RABGAP1L: variants seen among roughly 807,000 people sequenced by gnomAD.
RABGAP1L encodes the protein rab GTPase-activating protein 1-like.
RABGAP1L carries 63 observed loss-of-function variants against 137.7 expected under a neutral mutation model. That is an observed-to-expected ratio of 0.46 (90% CI 0.37 to 0.56). The LOEUF is 0.56. Ranked by LOEUF, RABGAP1L falls within the 20% of genes least tolerant of loss-of-function variation. RABGAP1L has a pLI of 0.00. For synonymous variants in RABGAP1L, 431 were observed against 433.7 expected (o/e 0.99, Z 0.08); for missense variants, 1,095 against 1,244.0 (o/e 0.88, Z 1.80).
chr1:174,421,833 A>T (rs1278328936), intron 13 of RABGAP1L, among the ~76,000 whole-genome samples: 1 of 152,154 alleles, frequency 6.6e-6, no homozygotes, highest in Non-Finnish European at 1.5e-5. Context: ...CAGTGGCACG[A>T]TCTCGGCTCA....
At chr1:174,780,360 C>T (rs1164089813) in intron 18 of RABGAP1L, among the ~76,000 whole-genome samples, 1 of 152,004 alleles carries the variant, frequency 6.6e-6, no homozygotes, top group African/African-American at 2.4e-5. Flanking sequence ...CAAGATTAGC[C>T]ACACATACCT....
At chr1:174,808,187 C>T (rs1429827109) in intron 18 of RABGAP1L, among the ~76,000 whole-genome samples, 1 of 151,870 alleles carries the variant, frequency 6.6e-6, no homozygotes, top group African/African-American at 2.4e-5. Flanking sequence ...TGGGGTTTCA[C>T]CGTGTTAGCC....
At chr1:174,540,979 G>T (rs7554740) in intron 13 of RABGAP1L, among the ~76,000 whole-genome samples, 59,272 of 152,016 alleles carry the variant, frequency 0.39, 14,574 homozygotes, top group African/African-American at 0.7. Context: ...TTGAGCAGTG[G>T]TTTGTAGTTC....
intron 19 of RABGAP1L, among the ~76,000 whole-genome samples, chr1:174,886,193 G>C (rs572406450): frequency 4.6e-4 from 70 of 151,884 alleles, no homozygotes; most frequent in African/African-American, 1.6e-3. Flanking sequence ...TGAAATTTTA[G>C]TAGAGAGAGG....
chr1:174,809,918 A>C (rs761004121), intron 18 of RABGAP1L, among the ~76,000 whole-genome samples: 1 of 152,206 alleles, frequency 6.6e-6, no homozygotes, highest in Non-Finnish European at 1.5e-5. Context: ...AGTTAAGGTG[A>C]GTTGAGAGCA....
chr1:174,353,706 T>A (rs893732095), intron 11 of RABGAP1L, among the ~76,000 whole-genome samples: 14 of 152,170 alleles, frequency 9.2e-5, no homozygotes, highest in African/African-American at 3.4e-4. Flanking sequence ...AGCAGTGAGT[T>A]CCAATGCAAA....
chr1:174,401,170 C>CT (rs1648534178), intron 13 of RABGAP1L, among the ~76,000 whole-genome samples: 2 of 152,092 alleles, frequency 1.3e-5, no homozygotes, highest in Non-Finnish European at 2.9e-5. Flanking sequence ...GCCTTGGTAA[C>CT]AGTGGTAGCT....
At position 174,733,189 on chromosome 1, in the gene RABGAP1L, C is replaced by A. The variant is rs181449414; in HGVS notation, c.2170-19124C>A. The stretch of plus-strand genomic sequence containing the variant: ...ATAAAAGGAGGAAGCGGTCAGACTT[C>A]AAGGGAAATAAAATTTCTTTTATTT... On this transcript the variant is annotated intron_variant, in intron 17 of 25. Coordinates refer to ENST00000681986, the MANE Select transcript of RABGAP1L (RefSeq NM_001366446.1). 2.9e-4 allele frequency among the ~76,000 whole-genome samples: 44 copies of A among 152,196 alleles called. No homozygotes were observed. In the East Asian group the frequency reaches 7.7e-3, roughly 27 times the overall value.
chr1:174,436,234 G>A (rs972326065), intron 13 of RABGAP1L, among the ~76,000 whole-genome samples: 1 of 152,182 alleles, frequency 6.6e-6, no homozygotes, highest in Non-Finnish European at 1.5e-5. Context: ...TTGCCACACT[G>A]ACTTCCACAA....
At chr1:174,612,603 A>G (rs912667096) in intron 13 of RABGAP1L, among the ~76,000 whole-genome samples, 5 of 151,876 alleles carry the variant, frequency 3.3e-5, no homozygotes, top group African/African-American at 7.3e-5. Flanking sequence ...CTCTTTTTCT[A>G]TTGATTGGAA....
At chr1:174,602,370 G>T (rs572663431) in intron 13 of RABGAP1L, among the ~76,000 whole-genome samples, 1 of 152,132 alleles carries the variant, frequency 6.6e-6, no homozygotes, top group African/African-American at 2.4e-5. Context: ...GTTAGATCTC[G>T]TGAGACTTAT....
At chr1:174,357,563 C>T (rs528100516) in intron 11 of RABGAP1L, among the ~76,000 whole-genome samples, 72 of 152,166 alleles carry the variant, frequency 4.7e-4, no homozygotes, top group African/African-American at 1.6e-3. Context: ...ATTAAACACA[C>T]AAGTAAATAA....
At chr1:174,223,467 T>C (rs911005816) in intron 3 of RABGAP1L, among the ~76,000 whole-genome samples, 3 of 148,648 alleles carry the variant, frequency 2.0e-5, no homozygotes, top group Non-Finnish European at 3.0e-5. Context: ...AAAAAAGATT[T>C]AACGACTTTT....
At chr1:174,628,519 T>C (rs1366212587) in intron 13 of RABGAP1L, among the ~76,000 whole-genome samples, 1 of 152,240 alleles carries the variant, frequency 6.6e-6, no homozygotes, top group Non-Finnish European at 1.5e-5. Context: ...ACATACATTC[T>C]AAATAATGTT....
intron 13 of RABGAP1L, among the ~76,000 whole-genome samples, chr1:174,420,843 T>G (rs1395810017): frequency 1.3e-5 from 2 of 151,742 alleles, no homozygotes; most frequent in Admixed American, 1.3e-4. Flanking sequence ...CCCGGCTAAT[T>G]TTTTTGTATT....
chr1:174,618,176 T>G (rs113642553), intron 13 of RABGAP1L, among the ~76,000 whole-genome samples: 3,666 of 152,246 alleles, frequency 0.024, 68 homozygotes, highest in Middle Eastern at 0.048. Flanking sequence ...CACCGCAGCT[T>G]AAGGAGGCCT....
intron 19 of RABGAP1L, among the ~76,000 whole-genome samples, chr1:174,890,639 G>GT (rs1311765741): frequency 6.6e-6 from 1 of 152,012 alleles, no homozygotes; most frequent in Non-Finnish European, 1.5e-5. Flanking sequence ...TTTCCCAGCA[G>GT]TTTTAGTAGT....
chr1:174,333,205 T>A (rs1199614295), intron 11 of RABGAP1L, among the ~76,000 whole-genome samples: 2 of 152,130 alleles, frequency 1.3e-5, no homozygotes, highest in African/African-American at 4.8e-5. Context: ...GGTCAGTGGG[T>A]ACAGTGTTAC....
Position 174,695,273 on chromosome 1 carries a change from T to G in RABGAP1L, c.1900-4252T>G, listed in dbSNP as rs537300994. Among the ~76,000 whole-genome samples, 7 of 152,250 alleles carry G rather than the reference T, an allele frequency of 4.6e-5. 1 individual carries two copies. The South Asian group carries it at 1.2e-3, about 27-fold the overall frequency. On this transcript the variant is annotated intron_variant, in intron 15 of 25. Transcript: ENST00000681986. ...CCTTTTGAGGCTATTTTCTAGATCT[T>G]GCAGGCATGCCTAATGTCTTTTTAT...
Sources: gnomAD v4.1 joint callset for allele counts (sites outside exome capture counted in the v4.1 genomes callset) on GRCh38, gnomAD v4.1.1 for gene constraint, MANE v1.5 for transcripts, NCBI Gene and HGNC (gene_info 2026-07-23, HGNC 2026-07-21) for gene names.